CDYL2: variants seen among roughly 807,000 people sequenced by gnomAD.
The protein encoded by CDYL2 is chromodomain Y-like protein 2.
A neutral mutation model predicts 49.4 loss-of-function variants in CDYL2; 23 were observed. The observed-to-expected ratio is 0.47, with a 90% CI of 0.34 to 0.66. The LOEUF is 0.66. Among genes scored for constraint, CDYL2 ranks in the 30% least tolerant of loss-of-function variants. The pLI, the probability that CDYL2 is intolerant of heterozygous loss-of-function variation, is 0.01. For missense variants in CDYL2, 678 were observed against 656.4 expected, an observed-to-expected ratio of 1.03 and a Z score of -0.36; for synonymous variants, 360 against 268.8, an observed-to-expected ratio of 1.34 and a Z score of -3.32.
At chr16:80,643,786 C>T (rs1035467481) in intron 2 of CDYL2, among the ~76,000 whole-genome samples, 23 of 152,206 alleles carry the variant, frequency 1.5e-4, no homozygotes, top group Non-Finnish European at 4.4e-5. Flanking sequence ...AGGCTGCACA[C>T]AGCAACAGGA....
chr16:80,775,934 A>G (rs1397921881), intron 1 of CDYL2, among the ~76,000 whole-genome samples: 1 of 151,796 alleles, frequency 6.6e-6, no homozygotes, highest in African/African-American at 2.4e-5. Flanking sequence ...CAAACATCAA[A>G]ATATTGGTCA....
chr16:80,742,185 C>T (rs1905760742), intron 1 of CDYL2: 2 of 152,224 alleles, frequency 1.3e-5, no homozygotes, highest in Non-Finnish European at 2.9e-5. Context: ...AGGCAGTGTG[C>T]CTACCTAGCC....
At chr16:80,712,215 A>ATATATATATATATCTATCTC (rs763194077) in intron 1 of CDYL2, among the ~76,000 whole-genome samples, 2 of 128,358 alleles carry the variant, frequency 1.6e-5, no homozygotes, top group Non-Finnish European at 3.5e-5. Context: ...ATATATATAT[A>ATATATATATATATCTATCTC]TCTCCAAACC....
chr16:80,676,960 T>C (rs1408624775), intron 2 of CDYL2, among the ~76,000 whole-genome samples: 3 of 132,648 alleles, frequency 2.3e-5, no homozygotes, highest in Non-Finnish European at 3.2e-5. Flanking sequence ...ACCAATTCAA[T>C]GTATTTTTTT....
intron 1 of CDYL2, among the ~76,000 whole-genome samples, chr16:80,746,489 C>T (rs1337758870): frequency 1.3e-5 from 2 of 152,198 alleles, no homozygotes; most frequent in Non-Finnish European, 2.9e-5. Context: ...TCCTTGCATC[C>T]TCTCAAGTAT....
intron 1 of CDYL2, among the ~76,000 whole-genome samples, chr16:80,694,432 G>C (rs1910541787): frequency 6.6e-6 from 1 of 152,030 alleles, no homozygotes; most frequent in Non-Finnish European, 1.5e-5. Flanking sequence ...GCATACACTA[G>C]GTTTGAGCAA....
intron 2 of CDYL2, among the ~76,000 whole-genome samples, chr16:80,643,599 G>C (rs1908201523): frequency 1.3e-5 from 2 of 152,240 alleles, no homozygotes. Flanking sequence ...TACATCTTCT[G>C]AAATCTAGGT....
At chr16:80,635,008 T>C (rs376420941) in intron 2 of CDYL2, among the ~76,000 whole-genome samples, 1 of 152,184 alleles carries the variant, frequency 6.6e-6, no homozygotes, top group South Asian at 2.1e-4. Context: ...CAAAGCCAGA[T>C]AAAGACATTA....
intron 1 of CDYL2, among the ~76,000 whole-genome samples, chr16:80,762,212 A>G (rs1189362007): frequency 1.3e-5 from 2 of 152,134 alleles, no homozygotes; most frequent in Non-Finnish European, 2.9e-5. Flanking sequence ...ACAAAAAAAC[A>G]AAGGCTACAT....
At position 80,633,576 on chromosome 16, in the gene CDYL2, A is replaced by T. The variant is rs921456743; in HGVS notation, c.617-340T>A. Reference sequence around the variant, plus strand: ...CAGCCCTCTCCACTGGTGGATGCCTATGAATCATAGGAAATTATCAATAAG... The same window carrying T: ...CAGCCCTCTCCACTGGTGGATGCCTTTGAATCATAGGAAATTATCAATAAG... On this transcript the variant is annotated intron_variant, in intron 2 of 6. Transcript: ENST00000570137. Among the ~76,000 whole-genome samples the T allele has an allele frequency of 2.6e-5, 4 of 152,358 alleles. No individual in the cohort carries two copies. The East Asian group carries it at 7.7e-4, about 29-fold the overall frequency.
At position 80,639,449 on chromosome 16, in the gene CDYL2, T is replaced by C. The variant is rs146986758; in HGVS notation, c.617-6213A>G. Among the ~76,000 whole-genome samples the C allele has an allele frequency of 2.7e-3, 408 of 152,302 alleles. 2 individuals carry two copies. The highest frequency in any genetic ancestry group is 0.014 in the South Asian group (69 of 4,818). ...AAGCACCAAAAATTGGAAGCAACCATTGTGTCCTTTAATAAGTGAAGGGAT... is the reference window on the plus strand; with the variant it reads ...AAGCACCAAAAATTGGAAGCAACCACTGTGTCCTTTAATAAGTGAAGGGAT... On this transcript the variant is annotated intron_variant, in intron 2 of 6. Transcript: ENST00000570137.
At chr16:80,700,925 G>C (rs1228539349) in intron 1 of CDYL2, among the ~76,000 whole-genome samples, 1 of 152,222 alleles carries the variant, frequency 6.6e-6, no homozygotes, top group Non-Finnish European at 1.5e-5. Context: ...GCCATGAGTT[G>C]TAACGCCGTG....
intron 2 of CDYL2, among the ~76,000 whole-genome samples, chr16:80,653,449 G>A (rs1464165760): frequency 2.6e-5 from 4 of 152,140 alleles, no homozygotes; most frequent in African/African-American, 9.7e-5. Flanking sequence ...TGGGCAACAA[G>A]AGTGAAACTC....
At chr16:80,657,735 T>G (rs766763564) in intron 2 of CDYL2, among the ~76,000 whole-genome samples, 39 of 152,218 alleles carry the variant, frequency 2.6e-4, no homozygotes, top group African/African-American at 9.2e-4. Flanking sequence ...GGGAAGAAAT[T>G]TGGCAGTATC....
chr16:80,676,961 G>GTT (rs1407459686), intron 2 of CDYL2, among the ~76,000 whole-genome samples: 2 of 110,514 alleles, frequency 1.8e-5, no homozygotes, highest in Admixed American at 9.7e-5. Flanking sequence ...CCAATTCAAT[G>GTT]TATTTTTTTT....
chr16:80,772,382 A>C (rs939316284), intron 1 of CDYL2, among the ~76,000 whole-genome samples: 4 of 152,226 alleles, frequency 2.6e-5, no homozygotes, highest in Admixed American at 2.6e-4. Flanking sequence ...AACAGCACTT[A>C]AGACAAATGT....
chr16:80,607,163 C>T (rs373275401), intron 6 of CDYL2, among the ~76,000 whole-genome samples: 6 of 152,116 alleles, frequency 3.9e-5, no homozygotes, highest in African/African-American at 1.2e-4. Context: ...TGACTAACAA[C>T]CTGGAGACCG....
At chr16:80,712,121 G>A (rs1193743260) in intron 1 of CDYL2, among the ~76,000 whole-genome samples, 5 of 143,700 alleles carry the variant, frequency 3.5e-5, no homozygotes, top group Admixed American at 1.4e-4. Context: ...GTATATATGT[G>A]TATATATATG....
At chr16:80,631,811 G>C (rs1907575455) in intron 3 of CDYL2, among the ~76,000 whole-genome samples, 1 of 152,172 alleles carries the variant, frequency 6.6e-6, no homozygotes, top group Admixed American at 6.5e-5. Context: ...CTAGTCATCA[G>C]GGAAATGCAA....
Sources: allele counts gnomAD v4.1 joint callset (sites outside exome capture counted in the v4.1 genomes callset), GRCh38; gene constraint gnomAD v4.1.1; transcripts MANE v1.5; gene names NCBI Gene and HGNC (gene_info 2026-07-23, HGNC 2026-07-21).